AMER1: variants seen among roughly 807,000 people sequenced by gnomAD.
The protein encoded by AMER1 is RP11-403E24.2.
In AMER1, 16 loss-of-function variants were observed where a neutral mutation model predicts 53.0. The ratio of observed to expected loss-of-function variants is 0.30; its 90% CI spans 0.20 to 0.46. The LOEUF (loss-of-function observed/expected upper bound fraction) is 0.46. AMER1 is among the 20% of genes least tolerant of loss of function. AMER1 has a pLI of 1.00. For synonymous variants in AMER1, 354 were observed against 331.9 expected, an observed-to-expected ratio of 1.07 and a Z score of -0.73; for missense variants, 947 against 884.9, an observed-to-expected ratio of 1.07 and a Z score of -0.89.
rs928746669 is a variant in AMER1 at position 64,189,452 on chromosome X, G to T, written c.*427C>A. The T allele has an allele frequency of 7.0e-5, 53 of 756,272 alleles. No individual in the cohort carries two copies. Among genetic ancestry groups the T allele is most frequent in the Middle Eastern group, 7.1e-4 (1 of 1,415 alleles). 62.3% of individuals were successfully genotyped at this position (756,272 alleles called of 1,213,427 possible). On this transcript the variant is annotated 3_prime_UTR_variant, in exon 2 of 2. Transcript: ENST00000374869. ...TCAAGGATGCATGCTATATATGTGT[G>T]TGCATGTGTGTTTGTGTGTGTGTGT...
rs1262961084 is a variant in AMER1 at position 64,192,693 on chromosome X, C to T, written c.594G>A (p.Glu198=). ...EQSEPGAKGP[E]RVRARPHEHV... Reference sequence around the variant, plus strand: ...GCTCATGAGGCCTGGCTCTGACCCTCTCAGGCCCCTTGGCCCCTGGCTCAC... The same window carrying T: ...GCTCATGAGGCCTGGCTCTGACCCTTTCAGGCCCCTTGGCCCCTGGCTCAC... The change falls in exon 2 of 2, where the codon GAG becomes GAA. Residue 198 remains glutamate, a synonymous_variant. Transcript: ENST00000374869. 5 of 1,178,202 alleles carry T rather than the reference C, an allele frequency of 4.2e-6. No homozygotes were observed. The highest frequency in any genetic ancestry group is 2.0e-5 in the South Asian group (1 of 50,702).
At position 64,187,556 on chromosome X, in the gene AMER1, A is replaced by T. The variant is rs998381516; in HGVS notation, c.*2323T>A. 1.3e-6 allele frequency: 1 copy of T among 778,334 alleles called. No individual in the cohort carries two copies. The highest frequency in any genetic ancestry group is 8.8e-5 in the East Asian group (1 of 11,360). The allele number at this position is 778,334 out of a possible 1,213,427, so 64.1% of individuals were successfully genotyped here. ...TTGGCCACCTCCTTTTTCTCTTCCCAGATAGGCTGGTGGCCCTTCTCCAGC... is the reference window on the plus strand; with the variant it reads ...TTGGCCACCTCCTTTTTCTCTTCCCTGATAGGCTGGTGGCCCTTCTCCAGC... On this transcript the variant is annotated 3_prime_UTR_variant, in exon 2 of 2. Coordinates refer to ENST00000374869, the MANE Select transcript of AMER1 (RefSeq NM_152424.4).
At chrX:64,198,692 C>T (rs751069659) in intron 1 of AMER1, among the ~76,000 whole-genome samples, 2 of 111,397 alleles carry the variant, frequency 1.8e-5, no homozygotes, top group South Asian at 7.7e-4. Context: ...CACTGGTTGC[C>T]ACTGTTTGGG....
intron 1 of AMER1, among the ~76,000 whole-genome samples, chrX:64,197,867 C>A (rs1456852295): frequency 8.9e-6 from 1 of 112,660 alleles, no homozygotes; most frequent in Non-Finnish European, 1.9e-5. Flanking sequence ...CCTCTTAAGG[C>A]TATTGTAAGA....
Position 64,193,379 on chromosome X carries a change from T to G in AMER1, c.-93A>C. The G allele has an allele frequency of 1.7e-6, 2 of 1,159,785 alleles. No individual in the cohort carries two copies. The highest frequency in any genetic ancestry group is 3.0e-5 in the East Asian group (1 of 33,508). ...CATTATCAGTCAGGAAGCATCACAG[T>G]GGGGTCTGGAGGAGATAGGAGAGAC... On this transcript the variant is annotated 5_prime_UTR_variant, in exon 2 of 2. Coordinates refer to ENST00000374869, the MANE Select transcript of AMER1 (RefSeq NM_152424.4).
Position 64,186,013 on chromosome X carries a change from G to GA in AMER1, c.*3865dup, listed in dbSNP as rs1404145233. The GA allele has an allele frequency of 7.1e-5, 53 of 742,374 alleles. No homozygotes were observed. The highest frequency in any genetic ancestry group is 9.1e-5 in the Non-Finnish European group (47 of 517,565). 61.2% of individuals were successfully genotyped at this position (742,374 alleles called of 1,213,427 possible). On this transcript the variant is annotated 3_prime_UTR_variant, in exon 2 of 2. Transcript: ENST00000374869. Reference sequence around the variant, plus strand: ...AAACTAAAGCACAAAACATAACGAGGAAAAAAAATAAGACACATGAGTACT... The same window carrying GA: ...AAACTAAAGCACAAAACATAACGAGGAAAAAAAAATAAGACACATGAGTACT...
Position 64,195,605 on chromosome X carries a change from C to A in AMER1, c.-98-2221G>T, listed in dbSNP as rs774975317. ...TCTCATAGGAGCGTGAACCCTATTG[C>A]AAACTGCGCATGCGAAGGATCTAGG... is the stretch of plus-strand genomic sequence containing the variant. On this transcript the variant is annotated intron_variant, in intron 1 of 1. Transcript: ENST00000374869. 6.9e-4 allele frequency among the ~76,000 whole-genome samples: 77 copies of A among 112,049 alleles called. 1 individual carries two copies. Among genetic ancestry groups the A allele is most frequent in the African/African-American group, 2.3e-3 (71 of 30,845 alleles).
In AMER1 at chrX:64,186,304, A is replaced by G; in HGVS notation, c.*3575T>C. 1 of 1,051,511 alleles carries G rather than the reference A, an allele frequency of 9.5e-7. No individual in the cohort carries two copies. Among genetic ancestry groups the G allele is most frequent in the Non-Finnish European group, 1.2e-6 (1 of 812,898 alleles). The allele number at this position is 1,051,511 out of a possible 1,213,427, so 86.7% of individuals were successfully genotyped here. ...CACAAGCAGCAGCAATTTTTGTGTC[A>G]TCTTTGTTTTGTTTAAAACTGTAAA... On this transcript the variant is annotated 3_prime_UTR_variant, in exon 2 of 2. Transcript: ENST00000374869.
chrX:64,202,631 C>T (rs1930512144), intron 1 of AMER1, among the ~76,000 whole-genome samples: 1 of 111,395 alleles, frequency 9.0e-6, no homozygotes, highest in Non-Finnish European at 1.9e-5. Context: ...CCTGCCCTTT[C>T]CCCTGCAATG....
chrX:64,191,311 A>C lies in AMER1; in HGVS notation c.1976T>G (p.Leu659Ter). 8.3e-7 allele frequency: 1 copy of C among 1,211,612 alleles called. No homozygotes were observed. The highest frequency in any genetic ancestry group is 1.1e-6 in the Non-Finnish European group (1 of 895,417). ...TGCCAGGCCCATCACTGATGGGCCT[A>C]AGGGCCTCATCTGATACTCTAAGAC... ...KPVLEYQMRPLGPSVMGLAAG... is the reference protein window; with the variant it reads ...KPVLEYQMRP Residue 659 changes from leucine (L) to a stop codon, truncating the protein, a stop_gained, in exon 2 of 2, where the codon TTA (leucine) becomes TGA (stop). Coordinates refer to ENST00000374869, the MANE Select transcript of AMER1 (RefSeq NM_152424.4). LOFTEE classifies it high-confidence loss of function.
At position 64,189,792 on chromosome X, in the gene AMER1, A is replaced by ATCGGGCC; in HGVS notation, c.*86_*87insGGCCCGA. 1 of 746,979 alleles carries ATCGGGCC rather than the reference A, an allele frequency of 1.3e-6. No homozygotes were observed. Among genetic ancestry groups the ATCGGGCC allele is most frequent in the Non-Finnish European group, 1.7e-6 (1 of 590,434 alleles). 61.6% of individuals were successfully genotyped at this position (746,979 alleles called of 1,213,427 possible). Reference sequence around the variant, plus strand: ...CCAAAGGGTTTTCAAGTTAAACAACAACCCCCACCCCCCCACCCTTCTGCC... The same window carrying ATCGGGCC: ...CCAAAGGGTTTTCAAGTTAAACAACATCGGGCCACCCCCACCCCCCCACCCTTCTGCC... On this transcript the variant is annotated 3_prime_UTR_variant, in exon 2 of 2. Transcript: ENST00000374869.
Position 64,191,277 on chromosome X carries a change from T to C in AMER1, c.2010A>G (p.Val670=), listed in dbSNP as rs762989575. Residue 670 remains valine (V), a synonymous_variant, in exon 2 of 2, where the codon GTA becomes GTG. Transcript: ENST00000374869. ...GPSVMGLAAG[V]SGTSQISHRG... is the part of the protein sequence containing the mutation. ...GGTGGGAAATCTGAGAGGTCCCTGA[T>C]ACCCCTGCTGCCAGGCCCATCACTG... 3 of 1,211,716 alleles carry C rather than the reference T, an allele frequency of 2.5e-6. No individual in the cohort carries two copies. The highest frequency in any genetic ancestry group is 3.4e-6 in the Non-Finnish European group (3 of 895,441).
rs139314855 is a variant in AMER1, at chrX:64,186,834, G to A, written c.*3045C>T. The A allele has an allele frequency of 2.6e-6, 2 of 773,195 alleles. No individual in the cohort carries two copies. Among genetic ancestry groups the A allele is most frequent in the South Asian group, 6.7e-5 (1 of 14,987 alleles). The allele number at this position is 773,195 out of a possible 1,213,427, so 63.7% of individuals were successfully genotyped here. A position where few individuals can be genotyped will look rare whatever the true frequency, so the allele number is the denominator to read the frequency against. On this transcript the variant is annotated 3_prime_UTR_variant, in exon 2 of 2. Transcript: ENST00000374869. ...TCCTGGCCCTGGGAGAGGCCTACTA[G>A]GTGGCCTTCTCTATCCACATTCACT... is the stretch of plus-strand genomic sequence containing the variant.
At chrX:64,195,357 T>C (rs1313772529) in intron 1 of AMER1, among the ~76,000 whole-genome samples, 2 of 112,109 alleles carry the variant, frequency 1.8e-5, no homozygotes, top group Non-Finnish European at 3.8e-5. Context: ...TGGAGTTGTT[T>C]GTGAAATTCT....
At position 64,193,280 on chromosome X, in the gene AMER1, T is replaced by C. The variant is rs779886859; in HGVS notation, c.7A>G (p.Thr3Ala). ...GCCTGAGCAGCTTCATCCTTTTGGG[T>C]CTCCATGATGATGGGGACAACTGAG... ME[T>A]QKDEAAQAKG... is the part of the protein sequence containing the mutation. The change falls in exon 2 of 2, where the codon ACC becomes GCC. Residue 3 changes from threonine to alanine, a missense_variant. Physicochemically the swap from Thr to Ala is moderately conservative, Grantham distance 58. Coordinates refer to ENST00000374869, the MANE Select transcript of AMER1 (RefSeq NM_152424.4). The C allele has an allele frequency of 8.3e-7, 1 of 1,209,498 alleles. No homozygotes were observed. Among genetic ancestry groups the C allele is most frequent in the East Asian group, 3.0e-5 (1 of 33,732 alleles).
Position 64,193,340 on chromosome X carries a change from A to G in AMER1, c.-54T>C. 8.3e-7 allele frequency: 1 copy of G among 1,208,683 alleles called. No homozygotes were observed. The highest frequency in any genetic ancestry group is 1.1e-6 in the Non-Finnish European group (1 of 894,097). On this transcript the variant is annotated 5_prime_UTR_variant, in exon 2 of 2. Coordinates refer to ENST00000374869, the MANE Select transcript of AMER1 (RefSeq NM_152424.4). ...GCTGGAAATGCAGCCTCAGGCTTCCAGGCACTGTTATAACATTATCAGTCA... is the reference window on the plus strand; with the variant it reads ...GCTGGAAATGCAGCCTCAGGCTTCCGGGCACTGTTATAACATTATCAGTCA...
intron 1 of AMER1, among the ~76,000 whole-genome samples, chrX:64,201,103 G>T (rs909828287): frequency 4.5e-5 from 5 of 111,280 alleles, no homozygotes; most frequent in African/African-American, 9.8e-5. Context: ...TGCAGCACCA[G>T]TATGCCTGCC....
rs1325779862 is a variant in AMER1 at position 64,186,097 on chromosome X, G to A, written c.*3782C>T. 1.7e-6 allele frequency: 2 copies of A among 1,191,972 alleles called. No individual in the cohort carries two copies. The highest frequency in any genetic ancestry group is 2.3e-6 in the Non-Finnish European group (2 of 878,236). ...AAAAGAAAGAAAAACATAAAATAAA[G>A]CCAGAAAATGACAAGCTGTCTACCA... On this transcript the variant is annotated 3_prime_UTR_variant, in exon 2 of 2. Transcript: ENST00000374869.
In AMER1 at chrX:64,189,912, G is replaced by A. The variant is rs1167718696; in HGVS notation, c.3375C>T (p.Ser1125=). 1 of 1,203,267 alleles carries A rather than the reference G, an allele frequency of 8.3e-7. No homozygotes were observed. The change falls in exon 2 of 2, where the codon TCC becomes TCT. Residue 1125 remains serine, a synonymous_variant. Coordinates refer to ENST00000374869, the MANE Select transcript of AMER1 (RefSeq NM_152424.4). ...EQGASLATSY[S]STAMNGNLAK ...CTAGGTTTCCATTCATGGCAGTGGA[G>A]GAGTAGCTGGTGGCAAGAGAGGCAC...
Sources: allele counts gnomAD v4.1 joint callset (sites outside exome capture counted in the v4.1 genomes callset), GRCh38; gene constraint gnomAD v4.1.1; transcripts MANE v1.5; gene names NCBI Gene and HGNC (gene_info 2026-07-23, HGNC 2026-07-21).